KIF1A: variants seen among roughly 807,000 people sequenced by gnomAD.
KIF1A encodes the protein kinesin family member 1A.
In KIF1A, 46 loss-of-function variants were observed where a neutral mutation model predicts 227.3. That is an observed-to-expected ratio of 0.20 (90% confidence interval 0.16 to 0.26). The LOEUF (loss-of-function observed/expected upper bound fraction) is 0.26, where lower values mean the gene tolerates loss of function less well. Ranked by LOEUF, KIF1A falls within the 10% of genes least tolerant of loss-of-function variation. The pLI is 1.00. For missense variants in KIF1A, 1,683 were observed against 2,485.9 expected (o/e 0.68, Z 6.87); for synonymous variants, 1,022 against 1,012.8 (o/e 1.01, Z -0.17).
At chr2:240,782,090 G>T (rs919095332) in intron 10 of KIF1A, 2 of 985,196 alleles carry the variant, frequency 2.0e-6, no homozygotes, top group Non-Finnish European at 1.2e-6. Context: ...CTGCCCACGC[G>T]GTTCCTCACA....
chr2:240,811,003 C>T (rs1338986933), intron 1 of KIF1A, among the ~76,000 whole-genome samples: 2 of 152,150 alleles, frequency 1.3e-5, no homozygotes, highest in Non-Finnish European at 2.9e-5. Flanking sequence ...GGCATGTGGC[C>T]GTTGGTTGTA....
At chr2:240,787,159 G>A (rs1252272945) in intron 5 of KIF1A, 92 bp downstream of exon 5, 3 of 1,040,446 alleles carry the variant, frequency 2.9e-6, no homozygotes, top group Admixed American at 3.5e-5. Context: ...GCAGACCCGT[G>A]GTGGGCACTC....
At chr2:240,796,141 C>T (rs944087260) in intron 2 of KIF1A, among the ~76,000 whole-genome samples, 2 of 152,224 alleles carry the variant, frequency 1.3e-5, no homozygotes, top group Non-Finnish European at 2.9e-5. Context: ...CCAGAGGTCA[C>T]GGTTCCCACC....
chr2:240,786,616 C>T (rs1249117356), intron 5 of KIF1A, 103 bp from the exon 6 acceptor site: 1 of 1,071,964 alleles, frequency 9.3e-7, no homozygotes, highest in Non-Finnish European at 1.4e-6. Context: ...ATAAGGACCC[C>T]TGAGTGAGGA....
At chr2:240,765,403 C>A (rs1157914371) in intron 20 of KIF1A, among the ~76,000 whole-genome samples, 1 of 152,250 alleles carries the variant, frequency 6.6e-6, no homozygotes, top group Non-Finnish European at 1.5e-5. Context: ...AGTCCTGGGC[C>A]AGGAGGCAGG....
At chr2:240,784,846 G>C in intron 7 of KIF1A, 143 bp downstream of exon 7, 2 of 673,824 alleles carry the variant, frequency 3.0e-6, no homozygotes, top group Non-Finnish European at 2.6e-6. Context: ...CCTGGTGCCA[G>C]TGTAAGTGTG....
In KIF1A at chr2:240,815,010, G is replaced by T. The variant is rs998266881; in HGVS notation, c.-61+5112C>A. On this transcript the variant is annotated intron_variant, in intron 1 of 48. Transcript: ENST00000498729. ...TAAGTACAGAGCTGACGCAAAGGGT[G>T]TGGGGCCGTAAGCGTGCTCCTCTGG... Among the ~76,000 whole-genome samples the T allele has an allele frequency of 3.9e-5, 6 of 152,242 alleles. 1 individual carries two copies. The highest frequency in any genetic ancestry group is 3.9e-4 in the Admixed American group (6 of 15,290).
rs566397315 is a variant in KIF1A at position 240,776,682 on chromosome 2, T to C, written c.883-756A>G. On this transcript the variant is annotated intron_variant, in intron 10 of 48. Coordinates refer to ENST00000498729, the MANE Select transcript of KIF1A (RefSeq NM_001244008.2). Reference sequence around the variant, plus strand: ...CTTCCAATGTCTACTGGTTCATGTATGCATTGGCTTATGAAGCATTTCCAG... The same window carrying C: ...CTTCCAATGTCTACTGGTTCATGTACGCATTGGCTTATGAAGCATTTCCAG... Among the ~76,000 whole-genome samples the C allele has an allele frequency of 3.1e-3, 475 of 152,374 alleles. 1 individual carries two copies. Among genetic ancestry groups the C allele is most frequent in the African/African-American group, 0.011 (462 of 41,594 alleles).
chr2:240,717,416 A>G lies in KIF1A; in HGVS notation c.5334-10T>C. On this transcript the variant is annotated splice_polypyrimidine_tract_variant and intron_variant, in intron 48 of 48. Coordinates refer to ENST00000498729, the MANE Select transcript of KIF1A (RefSeq NM_001244008.2). ...TCTGGAGAGCTTGGACCTGCAGAAG[A>G]GTTGGGAGAGGCGGCGTGGTCAGGC... 5 of 1,610,686 alleles carry G rather than the reference A, an allele frequency of 3.1e-6. No homozygotes were observed. The South Asian group carries it at 5.5e-5, about 18-fold the overall frequency.
chr2:240,817,051 G>T (rs1385794434), intron 1 of KIF1A, among the ~76,000 whole-genome samples: 4 of 152,204 alleles, frequency 2.6e-5, no homozygotes, highest in African/African-American at 9.7e-5. Context: ...GTCAGGTGGG[G>T]CCACTGTGCC....
intron 1 of KIF1A, among the ~76,000 whole-genome samples, chr2:240,815,310 A>AG (rs1413935670): frequency 6.6e-6 from 1 of 152,182 alleles, no homozygotes; most frequent in Non-Finnish European, 1.5e-5. Context: ...GCCCACCCTC[A>AG]GGTGGGCCTT....
intron 10 of KIF1A, chr2:240,781,653 C>T (rs890841974): frequency 1.8e-5 from 12 of 651,790 alleles, no homozygotes; most frequent in Non-Finnish European, 2.1e-5. Flanking sequence ...CTCCGCTCCA[C>T]ACACAATTCC....
chr2:240,787,932 C>A, intron 4 of KIF1A, 119 bp downstream of exon 4: 1 of 970,820 alleles, frequency 1.0e-6, no homozygotes, highest in Non-Finnish European at 1.5e-6. Context: ...GCTGGCCTTC[C>A]CCTCCTGACT....
At chr2:240,731,614 G>A (rs1417918526) in intron 38 of KIF1A, among the ~76,000 whole-genome samples, 2 of 152,192 alleles carry the variant, frequency 1.3e-5, no homozygotes, top group Non-Finnish European at 1.5e-5. Flanking sequence ...GCAGGTCAGG[G>A]GCTCGGCCCT....
At chr2:240,810,825 G>A (rs2057809351) in intron 1 of KIF1A, among the ~76,000 whole-genome samples, 1 of 152,186 alleles carries the variant, frequency 6.6e-6, no homozygotes. Context: ...GCCACTCGAT[G>A]TGCCCGCCAT....
rs751236889 is a variant in KIF1A at position 240,717,355 on chromosome 2, G to A, written c.*9C>T. 13 of 1,610,818 alleles carry A rather than the reference G, an allele frequency of 8.1e-6. No individual in the cohort carries two copies. In the East Asian group the frequency reaches 2.9e-4, roughly 36 times the overall value. On this transcript the variant is annotated 3_prime_UTR_variant, in exon 49 of 49. Coordinates refer to ENST00000498729, the MANE Select transcript of KIF1A (RefSeq NM_001244008.2). ...CTGGGCCTGCCGGCTGTCACGGGAG[G>A]GCTCAGGTTCAGACCCGCATCTGGG...
rs114657149 is a variant in KIF1A, at chr2:240,765,627, G to A, written c.1768+83C>T. The A allele has an allele frequency of 9.8e-4, 1,070 of 1,095,262 alleles. 7 individuals are homozygous for A. The African/African-American group carries it at 0.014, about 15-fold the overall frequency. The allele number at this position is 1,095,262 out of a possible 1,614,324, so 67.8% of individuals were successfully genotyped here. A position where few individuals can be genotyped will look rare whatever the true frequency, so the allele number is the denominator to read the frequency against. ...AGCTGCCATCCCGCACAGTGCACAG[G>A]AGGCGGTGGCTTGGACATGGGAACA... On this transcript the variant is annotated intron_variant, in intron 20 of 48. Transcript: ENST00000498729.
chr2:240,743,948 A>C lies in KIF1A; in HGVS notation c.3578T>G (p.Val1193Gly). ...QHPFPPLCKD[V>G]LSPLRPSRRH... ...CCCGACCCAGGGCGCTAACCTGAGC[A>C]CGTCCTTGCAGAGGGGCGGGAACGG... The change falls in exon 33 of 49, where the codon GTG becomes GGG. Residue 1193 changes from valine (V) to glycine (G), a missense_variant. Val to Gly is a moderately radical substitution (Grantham distance 109). Transcript: ENST00000498729. The C allele has an allele frequency of 6.2e-7, 1 of 1,611,244 alleles. No individual in the cohort carries two copies. Among genetic ancestry groups the C allele is most frequent in the Non-Finnish European group, 8.5e-7 (1 of 1,177,690 alleles).
rs1272065816 is a variant in KIF1A, at chr2:240,780,818, A to ACAGCTC, written c.882+1771_882+1772insGAGCTG. On this transcript the variant is annotated intron_variant, in intron 10 of 48. Coordinates refer to ENST00000498729, the MANE Select transcript of KIF1A (RefSeq NM_001244008.2). The stretch of plus-strand genomic sequence containing the variant: ...CAGCTCCACACACACACACACACAC[A>ACAGCTC]CACACACAGCTCCACACACACACAC... Among the ~76,000 whole-genome samples the ACAGCTC allele has an allele frequency of 2.1e-3, 230 of 109,748 alleles. 23 individuals are homozygous for ACAGCTC. The highest frequency in any genetic ancestry group is 0.012 in the African/African-American group (219 of 17,688). 72.0% of individuals were successfully genotyped at this position (109,748 alleles called of 152,430 possible).
Sources: allele counts gnomAD v4.1 joint callset (sites outside exome capture counted in the v4.1 genomes callset), GRCh38; gene constraint gnomAD v4.1.1; transcripts MANE v1.5; gene names NCBI Gene and HGNC (gene_info 2026-07-23, HGNC 2026-07-21).